ATP6V1E1: variants seen among roughly 807,000 people sequenced by gnomAD.
The protein encoded by ATP6V1E1 is ATPase H+ transporting V1 subunit E1, also known as V-type proton ATPase subunit E 1.
A neutral mutation model predicts 35.2 loss-of-function variants in ATP6V1E1; 21 were observed. The ratio of observed to expected loss-of-function variants is 0.60; its 90% CI spans 0.42 to 0.86. ATP6V1E1 has a LOEUF of 0.86. Ranked by LOEUF, ATP6V1E1 falls within the 40% of genes least tolerant of loss-of-function variation. The pLI is 0.00. For missense variants in ATP6V1E1, 183 were observed against 272.6 expected (o/e 0.67, Z 2.32); for synonymous variants, 83 against 87.8 (o/e 0.95, Z 0.30).
intron 7 of ATP6V1E1, chr22:17,595,356 T>G (rs1373035001): frequency 6.6e-6 from 1 of 152,182 alleles, no homozygotes; most frequent in Admixed American, 6.5e-5. Flanking sequence ...CTGTGTCAAT[T>G]TGATTTTATG....
Position 17,592,550 on chromosome 22 carries a change from G to A in ATP6V1E1, c.*124C>T. On this transcript the variant is annotated 3_prime_UTR_variant, in exon 9 of 9. Coordinates refer to ENST00000253413, the MANE Select transcript of ATP6V1E1 (RefSeq NM_001696.4). ...GCATGAGTGACAGAGGGGCATCGCT[G>A]ATAAATACAGAGCAATACTGGGGCA... 1 of 1,015,614 alleles carries A rather than the reference G, an allele frequency of 9.8e-7. No individual in the cohort carries two copies. Among genetic ancestry groups the A allele is most frequent in the Admixed American group, 1.9e-5 (1 of 53,038 alleles). 62.9% of individuals were successfully genotyped at this position (1,015,614 alleles called of 1,614,324 possible). A position where few individuals can be genotyped will look rare whatever the true frequency, so the allele number is the denominator to read the frequency against.
chr22:17,592,800 CTTTT>C (rs150344720), intron 8 of ATP6V1E1, 64 bp from the exon 9 acceptor site: 4,042 of 711,710 alleles, frequency 5.7e-3, no homozygotes, highest in Middle Eastern at 9.7e-3. Flanking sequence ...CGCTGCACAT[CTTTT>C]TTTTTTTTTT....
chr22:17,603,098 C>T (rs573082704), intron 4 of ATP6V1E1, among the ~76,000 whole-genome samples: 16 of 152,184 alleles, frequency 1.1e-4, no homozygotes, highest in Admixed American at 3.9e-4. Context: ...TACAGGCGTG[C>T]GCCACCTCAC....
chr22:17,601,024 C>A, intron 5 of ATP6V1E1, 68 bp downstream of exon 5: 2 of 1,263,856 alleles, frequency 1.6e-6, no homozygotes, highest in South Asian at 1.5e-5. Flanking sequence ...TAGAGCTGGT[C>A]TCTAATAGGC....
At chr22:17,609,037 A>G (rs1176509198) in intron 4 of ATP6V1E1, among the ~76,000 whole-genome samples, 3 of 152,050 alleles carry the variant, frequency 2.0e-5, no homozygotes, top group African/African-American at 7.2e-5. Flanking sequence ...CAGTGAGCTG[A>G]TATCGCGCCA....
intron 4 of ATP6V1E1, among the ~76,000 whole-genome samples, chr22:17,607,421 G>A (rs913652542): frequency 6.6e-6 from 1 of 152,116 alleles, no homozygotes; most frequent in African/African-American, 2.4e-5. Context: ...CTCCCAAAGT[G>A]CTGGGATTAT....
In ATP6V1E1 at chr22:17,592,672, G is replaced by C; in HGVS notation, c.*2C>G. The C allele has an allele frequency of 6.2e-7, 1 of 1,613,876 alleles. No individual in the cohort carries two copies. ...TGACGACGAGCTCCACCTCCTGAAG[G>C]CTTAGTCCAAAAACTTCCTGTTGGC... On this transcript the variant is annotated 3_prime_UTR_variant, in exon 9 of 9. Coordinates refer to ENST00000253413, the MANE Select transcript of ATP6V1E1 (RefSeq NM_001696.4).
chr22:17,619,344 C>A, intron 2 of ATP6V1E1, 117 bp downstream of exon 2: 2 of 916,214 alleles, frequency 2.2e-6, no homozygotes, highest in Non-Finnish European at 3.3e-6. Context: ...AAGGAAGAGA[C>A]ATTTTTATCA....
At chr22:17,618,944 G>A in intron 2 of ATP6V1E1, 1 of 449,766 alleles carries the variant, frequency 2.2e-6, no homozygotes, top group South Asian at 1.6e-5. Flanking sequence ...AGGTTGCAGT[G>A]AGCTGAGATC....
intron 4 of ATP6V1E1, among the ~76,000 whole-genome samples, chr22:17,612,055 A>C (rs972325797): frequency 3.3e-5 from 5 of 152,210 alleles, no homozygotes; most frequent in African/African-American, 1.2e-4. Context: ...TTGTGTTTGT[A>C]GCCAGTCACA....
chr22:17,610,010 T>A (rs5992079), intron 4 of ATP6V1E1, among the ~76,000 whole-genome samples: 52,823 of 151,900 alleles, frequency 0.35, 9,531 homozygotes, highest in African/African-American at 0.41. Flanking sequence ...TCTTGCCTGT[T>A]ATCCCAGCTA....
intron 2 of ATP6V1E1, chr22:17,619,213 A>G: frequency 2.0e-6 from 1 of 499,826 alleles, no homozygotes; most frequent in Non-Finnish European, 3.6e-6. Flanking sequence ...AATCACTTGA[A>G]CCTGGGAGGC....
At chr22:17,597,465 A>G (rs1185215215) in intron 7 of ATP6V1E1, among the ~76,000 whole-genome samples, 1 of 151,944 alleles carries the variant, frequency 6.6e-6, no homozygotes, top group Non-Finnish European at 1.5e-5. Context: ...CATACTTGCA[A>G]TTCTATCTCT....
intron 1 of ATP6V1E1, among the ~76,000 whole-genome samples, chr22:17,623,565 G>A (rs9618071): frequency 0.013 from 1,908 of 152,030 alleles, 32 homozygotes; most frequent in African/African-American, 0.044. Context: ...TAGCTACTCA[G>A]GAGGCTGATG....
intron 4 of ATP6V1E1, among the ~76,000 whole-genome samples, chr22:17,605,824 C>T (rs1048594252): frequency 1.1e-4 from 16 of 150,838 alleles, no homozygotes; most frequent in African/African-American, 3.6e-4. Flanking sequence ...CGCCTGGCTA[C>T]ATTTTTTTAA....
At position 17,628,716 on chromosome 22, in the gene ATP6V1E1, A is replaced by G; in HGVS notation, c.-81T>C. ...GAGGTGAGAGAAATCGGCAAAGGGA[A>G]CCCCTGCGCAGATCTCGGGTTCCTT... On this transcript the variant is annotated 5_prime_UTR_variant, in exon 1 of 9. Coordinates refer to ENST00000253413, the MANE Select transcript of ATP6V1E1 (RefSeq NM_001696.4). 5 of 1,582,660 alleles carry G rather than the reference A, an allele frequency of 3.2e-6. No individual in the cohort carries two copies. In the Middle Eastern group the frequency reaches 5.0e-4, roughly 158 times the overall value.
At chr22:17,602,988 G>A (rs2057769097) in intron 4 of ATP6V1E1, among the ~76,000 whole-genome samples, 1 of 152,018 alleles carries the variant, frequency 6.6e-6, no homozygotes, top group Admixed American at 6.6e-5. Flanking sequence ...ACGGAGTCTC[G>A]CTCTGTTGCC....
chr22:17,620,556 C>G (rs1256400492), intron 1 of ATP6V1E1, among the ~76,000 whole-genome samples: 1 of 151,894 alleles, frequency 6.6e-6, no homozygotes, highest in African/African-American at 2.4e-5. Context: ...GGGCCATACT[C>G]TTCCACTCTG....
intron 6 of ATP6V1E1, among the ~76,000 whole-genome samples, chr22:17,599,745 C>T (rs1336544991): frequency 1.3e-5 from 2 of 151,222 alleles, no homozygotes; most frequent in Admixed American, 6.6e-5. Context: ...CATGGTGAAA[C>T]CCTCCCTCTA....
Sources: gnomAD v4.1 joint callset for allele counts (sites outside exome capture counted in the v4.1 genomes callset) on GRCh38, gnomAD v4.1.1 for gene constraint, MANE v1.5 for transcripts, NCBI Gene and HGNC (gene_info 2026-07-23, HGNC 2026-07-21) for gene names.